Variants in CDKAL1 observed in about 807,000 individuals in gnomAD.
The protein encoded by CDKAL1 is threonylcarbamoyladenosine tRNA methylthiotransferase.
A neutral mutation model predicts 68.2 loss-of-function variants in CDKAL1; 32 were observed. That is an observed-to-expected ratio of 0.47 (90% confidence interval 0.35 to 0.63). The LOEUF (loss-of-function observed/expected upper bound fraction) is 0.63. CDKAL1 is among the 30% of genes least tolerant of loss of function. The probability of loss-of-function intolerance (pLI) is 0.00; values close to 1 mark genes in which losing one functional copy is unlikely to be tolerated. For missense variants in CDKAL1, 606 were observed against 696.7 expected (o/e 0.87, Z 1.47); for synonymous variants, 234 against 244.3 (o/e 0.96, Z 0.39).
rs1010563299 is a variant in CDKAL1 at position 20,727,841 on chromosome 6, T to C, written c.372-11678T>C. 7.9e-5 allele frequency among the ~76,000 whole-genome samples: 12 copies of C among 152,310 alleles called. 1 individual carries two copies. Among genetic ancestry groups the C allele is most frequent in the Admixed American group, 7.2e-4 (11 of 15,296 alleles). On this transcript the variant is annotated intron_variant, in intron 5 of 15. Transcript: ENST00000274695. ...GGTGACTGATAATACTACACCAGAC[T>C]TTATAAGGGCCGTATTTGGACCTGC...
intron 7 of CDKAL1, among the ~76,000 whole-genome samples, chr6:20,765,944 T>G (rs1229408005): frequency 1.3e-5 from 2 of 149,018 alleles, no homozygotes; most frequent in African/African-American, 2.4e-5. Flanking sequence ...AAGTCTTCTT[T>G]AAACATTGTA....
At chr6:21,217,242 C>T (rs969189586) in intron 15 of CDKAL1, among the ~76,000 whole-genome samples, 5 of 150,996 alleles carry the variant, frequency 3.3e-5, no homozygotes, top group African/African-American at 9.7e-5. Context: ...GTCTTTTGCC[C>T]ATTTTCTTCT....
chr6:20,882,757 C>T (rs778552160), intron 9 of CDKAL1, among the ~76,000 whole-genome samples: 15 of 152,142 alleles, frequency 9.9e-5, no homozygotes, highest in Non-Finnish European at 1.5e-4. Flanking sequence ...CATTCACATA[C>T]GGATTCTTAT....
intron 11 of CDKAL1, among the ~76,000 whole-genome samples, chr6:21,039,161 T>C (rs111837883): frequency 0.011 from 1,666 of 152,304 alleles, 34 homozygotes; most frequent in Admixed American, 0.039. Context: ...TCAGATCAGC[T>C]GTGTTATTAC....
At chr6:20,572,497 A>G (rs563189174) in intron 4 of CDKAL1, among the ~76,000 whole-genome samples, 1 of 152,314 alleles carries the variant, frequency 6.6e-6, no homozygotes, top group African/African-American at 2.4e-5. Context: ...ATTAATGTTT[A>G]AAACCCAAAC....
intron 12 of CDKAL1, 21 bp from the exon 13 acceptor site, chr6:21,108,371 GTTTTTTGTT>G (rs749930958): frequency 7.1e-6 from 11 of 1,539,648 alleles, no homozygotes; most frequent in South Asian, 1.1e-5. Flanking sequence ...TTGTATGTTG[GTTTTTTGTT>G]TTTTTTGTTT....
intron 5 of CDKAL1, among the ~76,000 whole-genome samples, chr6:20,708,113 A>C (rs905904345): frequency 5.9e-5 from 9 of 152,112 alleles, no homozygotes; most frequent in Non-Finnish European, 1.2e-4. Flanking sequence ...TTGGTAACTT[A>C]TTTACTTTAC....
chr6:20,810,353 G>A (rs940278336), intron 8 of CDKAL1, among the ~76,000 whole-genome samples: 3 of 150,164 alleles, frequency 2.0e-5, no homozygotes, highest in African/African-American at 7.4e-5. Flanking sequence ...ACCAGCCTGG[G>A]CAACATAGTG....
At chr6:20,729,352 G>A (rs1772800413) in intron 5 of CDKAL1, among the ~76,000 whole-genome samples, 1 of 151,832 alleles carries the variant, frequency 6.6e-6, no homozygotes, top group South Asian at 2.1e-4. Context: ...GGCTTTGAGA[G>A]TTTCTTCTTT....
intron 5 of CDKAL1, 110 bp downstream of exon 5, chr6:20,649,487 G>T (rs1768647338): frequency 1.7e-6 from 1 of 586,140 alleles, no homozygotes; most frequent in African/African-American, 1.9e-5. Context: ...TATTAAAAAA[G>T]TATGAGTTGG....
At chr6:20,999,691 A>C (rs1767324872) in intron 10 of CDKAL1, among the ~76,000 whole-genome samples, 1 of 146,812 alleles carries the variant, frequency 6.8e-6, no homozygotes, top group Non-Finnish European at 1.5e-5. Context: ...AAAAAAAGAA[A>C]GAAACAGGTG....
chr6:20,611,372 C>A (rs192943138), intron 4 of CDKAL1, among the ~76,000 whole-genome samples: 350 of 152,220 alleles, frequency 2.3e-3, no homozygotes, highest in Non-Finnish European at 4.1e-3. Context: ...GTGCAGTGAT[C>A]CACCTGCCTC....
intron 9 of CDKAL1, among the ~76,000 whole-genome samples, chr6:20,856,694 G>C (rs73372053): frequency 6.6e-6 from 1 of 152,128 alleles, no homozygotes; most frequent in Admixed American, 6.5e-5. Context: ...AAATGTTTGC[G>C]TTTACCATTT....
At chr6:21,224,110 G>A (rs540046871) in intron 15 of CDKAL1, among the ~76,000 whole-genome samples, 1 of 152,268 alleles carries the variant, frequency 6.6e-6, no homozygotes, top group Admixed American at 6.5e-5. Flanking sequence ...GTCAGGAGTG[G>A]CAGGCACAGT....
chr6:20,656,348 C>T (rs537656235), intron 5 of CDKAL1, among the ~76,000 whole-genome samples: 9 of 152,130 alleles, frequency 5.9e-5, no homozygotes, highest in East Asian at 3.9e-4. Flanking sequence ...GAGTTCTTAC[C>T]GGAGCGATGG....
intron 9 of CDKAL1, among the ~76,000 whole-genome samples, chr6:20,902,343 AC>A (rs370275989): frequency 0.22 from 32,280 of 149,562 alleles, 4,158 homozygotes; most frequent in African/African-American, 0.34. Flanking sequence ...ACACACACAC[AC>A]ACACACACAC....
intron 13 of CDKAL1, among the ~76,000 whole-genome samples, chr6:21,192,837 T>C (rs1778312548): frequency 7.0e-6 from 1 of 142,866 alleles, no homozygotes; most frequent in African/African-American, 2.7e-5. Flanking sequence ...TTTTTAGAGA[T>C]AGGATCTTTC....
chr6:20,955,358 G>C (rs1244246235), intron 9 of CDKAL1, 61 bp from the exon 10 acceptor site: 1 of 1,513,612 alleles, frequency 6.6e-7, no homozygotes, highest in African/African-American at 1.4e-5. Context: ...ACAGTGAGCA[G>C]CTGTATGATG....
rs758586145 is a variant in CDKAL1, at chr6:20,543,732, A to ATTTT, written c.-5-2595_-5-2592dup. 3.4e-3 allele frequency among the ~76,000 whole-genome samples: 349 copies of ATTTT among 102,402 alleles called. 10 individuals carry two copies. Among genetic ancestry groups the ATTTT allele is most frequent in the African/African-American group, 0.013 (322 of 24,318 alleles). The allele number at this position is 102,402 out of a possible 152,430, so 67.2% of individuals were successfully genotyped here. A position where few individuals can be genotyped will look rare whatever the true frequency, so the allele number is the denominator to read the frequency against. On this transcript the variant is annotated intron_variant, in intron 2 of 15. Coordinates refer to ENST00000274695, the MANE Select transcript of CDKAL1 (RefSeq NM_017774.3). ...AAAGTTTTATAATATTATGTTTTACATTTTTTTTTTTTTTTTTTTTTTGAG... is the reference window on the plus strand; with the variant it reads ...AAAGTTTTATAATATTATGTTTTACATTTTTTTTTTTTTTTTTTTTTTTTTTGAG...
Sources: allele counts gnomAD v4.1 joint callset (sites outside exome capture counted in the v4.1 genomes callset), GRCh38; gene constraint gnomAD v4.1.1; transcripts MANE v1.5; gene names NCBI Gene and HGNC (gene_info 2026-07-23, HGNC 2026-07-21).